The following ZNF318 variants were observed in gnomAD, a reference collection of about 807,000 sequenced individuals.
ZNF318 encodes the protein zinc finger protein 318.
A neutral mutation model predicts 124.2 loss-of-function variants in ZNF318; 51 were observed. The observed-to-expected ratio is 0.41, with a 90% confidence interval of 0.33 to 0.52. The LOEUF (loss-of-function observed/expected upper bound fraction) is 0.52. ZNF318 is among the 20% of genes least tolerant of loss of function. The probability of loss-of-function intolerance (pLI) is 0.23; values close to 1 mark genes in which losing one functional copy is unlikely to be tolerated. For synonymous variants in ZNF318, 1,090 were observed against 1,040.7 expected (o/e 1.05, Z -0.91); for missense variants, 2,815 against 2,811.2 (o/e 1.00, Z -0.03).
intron 6 of ZNF318, among the ~76,000 whole-genome samples, chr6:43,347,234 A>C (rs1189970266): frequency 2.6e-5 from 4 of 152,230 alleles, no homozygotes; most frequent in Admixed American, 2.6e-4. Context: ...GTTAGTAATG[A>C]AACTACAGTC....
In ZNF318 at chr6:43,337,040, G is replaced by A. The variant is rs1283840218; in HGVS notation, c.*118C>T. 3 of 957,034 alleles carry A rather than the reference G, an allele frequency of 3.1e-6. No individual in the cohort carries two copies. In the African/African-American group the frequency reaches 5.0e-5, roughly 16 times the overall value. 59.3% of individuals were successfully genotyped at this position (957,034 alleles called of 1,614,324 possible). Reference sequence around the variant, plus strand: ...CTTCCATGAACATTTACTTTAAGATGCTGACTGCATCTCTTGGTGTAGGTT... The same window carrying A: ...CTTCCATGAACATTTACTTTAAGATACTGACTGCATCTCTTGGTGTAGGTT... On this transcript the variant is annotated 3_prime_UTR_variant, in exon 10 of 10. Coordinates refer to ENST00000361428, the MANE Select transcript of ZNF318 (RefSeq NM_014345.3).
chr6:43,339,950 G>A lies in ZNF318; in HGVS notation c.4048C>T (p.Pro1350Ser), dbSNP rs935670400. 1 of 1,614,208 alleles carries A rather than the reference G, an allele frequency of 6.2e-7. No individual in the cohort carries two copies. Among genetic ancestry groups the A allele is most frequent in the Non-Finnish European group, 8.5e-7 (1 of 1,180,040 alleles). The change falls in exon 10 of 10, where the codon CCC becomes TCC. Residue 1350 changes from proline to serine, a missense_variant. Around this residue, in one of 4 missense-constraint regions of ZNF318, gnomAD observed 500 missense variants for 605.2 expected, o/e 0.83. Coordinates refer to ENST00000361428, the MANE Select transcript of ZNF318 (RefSeq NM_014345.3). The surrounding 1 kb of genome is among the most constrained non-coding windows in gnomAD (Gnocchi z 4.2). ...VTTSTQTKIR[P>S]NLPIPSTVLR... is the part of the protein sequence containing the mutation. ...ACTGTGGATGGAATAGGCAGGTTGGGTCGGATCTTAGTCTGTGTGGAAGTT... is the reference window on the plus strand; with the variant it reads ...ACTGTGGATGGAATAGGCAGGTTGGATCGGATCTTAGTCTGTGTGGAAGTT...
chr6:43,369,592 C>CCG lies in ZNF318; in HGVS notation c.-228_-227insCG, dbSNP rs1554196447. ...CGCGAGCACGCGTCCGACACACCCC[C>CCG]CCCCGCCTCCGGGGTTCCCCGCTCC... On this transcript the variant is annotated 5_prime_UTR_variant, in exon 1 of 10. Coordinates refer to ENST00000361428, the MANE Select transcript of ZNF318 (RefSeq NM_014345.3). 6.4e-6 allele frequency: 1 copy of CCG among 157,166 alleles called. No individual in the cohort carries two copies. The highest frequency in any genetic ancestry group is 1.4e-5 in the Non-Finnish European group (1 of 72,710). 9.7% of individuals were successfully genotyped at this position (157,166 alleles called of 1,614,324 possible).
In ZNF318 at chr6:43,337,285, G is replaced by T. The variant is rs752028362; in HGVS notation, c.6713C>A (p.Ala2238Asp). The change falls in exon 10 of 10, where the codon GCT becomes GAT. Residue 2238 changes from alanine (A) to aspartate (D), a missense_variant. By Grantham distance (126) the Ala-to-Asp change is moderately radical. Coordinates refer to ENST00000361428, the MANE Select transcript of ZNF318 (RefSeq NM_014345.3). ...CCTTGGAGGGGACCTTGACACTGGA[G>T]CTTTAACCAAATTCAGAGGGTCGCC... is the stretch of plus-strand genomic sequence containing the variant. ...DSGDPLNLVK[A>D]PVSRSPPREQ... 1.9e-5 allele frequency: 31 copies of T among 1,614,060 alleles called. No individual in the cohort carries two copies. The highest frequency in any genetic ancestry group is 1.7e-5 in the Admixed American group (1 of 59,996).
chr6:43,339,935 G>A lies in ZNF318; in HGVS notation c.4063C>T (p.Pro1355Ser), dbSNP rs1347587614. 6.2e-7 allele frequency: 1 copy of A among 1,614,206 alleles called. No homozygotes were observed. Among genetic ancestry groups the A allele is most frequent in the South Asian group, 1.1e-5 (1 of 91,082 alleles). The change falls in exon 10 of 10, where the codon CCA becomes TCA. Residue 1355 changes from proline to serine, a missense_variant. Physicochemically the swap from Pro to Ser is moderately conservative, Grantham distance 74 (BLOSUM62 -1). Around this residue, in one of 4 missense-constraint regions of ZNF318, gnomAD observed 500 missense variants for 605.2 expected, o/e 0.83. Coordinates refer to ENST00000361428, the MANE Select transcript of ZNF318 (RefSeq NM_014345.3). The surrounding 1 kb of genome is among the most constrained non-coding windows in gnomAD (Gnocchi z 4.2). ...CATGACTTGCGGAGTACTGTGGATG[G>A]AATAGGCAGGTTGGGTCGGATCTTA... The part of the protein sequence containing the change: ...QTKIRPNLPI[P>S]STVLRKSCSA...
At chr6:43,368,662 C>T in intron 1 of ZNF318, 1 of 985,248 alleles carries the variant, frequency 1.0e-6, no homozygotes, top group Non-Finnish European at 1.2e-6. Context: ...CCAAGACACA[C>T]GGTTTGGACG....
In ZNF318 at chr6:43,340,000, G is replaced by A; in HGVS notation, c.3998C>T (p.Thr1333Ile). Residue 1333 changes from threonine (T) to isoleucine (I), a missense_variant, in exon 10 of 10, where the codon ACC becomes ATC. Physicochemically the swap from Thr to Ile is moderately conservative, Grantham distance 89. This residue lies in a region of ZNF318 where 500 missense variants were observed against 605.2 expected (regional missense o/e 0.83). Transcript: ENST00000361428. The surrounding 1 kb of genome is among the most constrained non-coding windows in gnomAD (Gnocchi z 4.2). ...TGTCACAACAGGCATCCAAGGGCTG[G>A]TATGTGCAACAACAGTTTTCCCAGA... ...KLSGKTVVAH[T>I]SPWMPVVTTS... 1 of 1,614,202 alleles carries A rather than the reference G, an allele frequency of 6.2e-7. No individual in the cohort carries two copies. Among genetic ancestry groups the A allele is most frequent in the East Asian group, 2.2e-5 (1 of 44,884 alleles).
At chr6:43,348,005 A>G (rs2150751754) in intron 6 of ZNF318, among the ~76,000 whole-genome samples, 1 of 152,360 alleles carries the variant, frequency 6.6e-6, no homozygotes, top group Non-Finnish European at 1.5e-5. Context: ...AGACATGAAC[A>G]TAGTTGCTAA....
intron 6 of ZNF318, 141 bp downstream of exon 6, chr6:43,348,183 A>T: frequency 1.2e-6 from 1 of 834,480 alleles, no homozygotes; most frequent in African/African-American, 1.7e-5. Flanking sequence ...GAAGAGGAGT[A>T]CCACACTCTG....
intron 4 of ZNF318, among the ~76,000 whole-genome samples, chr6:43,354,001 G>A (rs1581645957): frequency 6.6e-6 from 1 of 152,024 alleles, no homozygotes; most frequent in Non-Finnish European, 1.5e-5. Flanking sequence ...TCTGGGAGAG[G>A]CTGGCAGGGG....
At chr6:43,367,682 A>T (rs1017727759) in intron 1 of ZNF318, among the ~76,000 whole-genome samples, 1 of 152,210 alleles carries the variant, frequency 6.6e-6, no homozygotes, top group African/African-American at 2.4e-5. Context: ...ACTGGAGAAG[A>T]AAAGGAGGTT....
intron 5 of ZNF318, among the ~76,000 whole-genome samples, chr6:43,349,152 T>A (rs990235099): frequency 2.0e-5 from 3 of 152,198 alleles, no homozygotes; most frequent in Non-Finnish European, 4.4e-5. Flanking sequence ...GTAAAGGTTA[T>A]TAGCTAAGGA....
Position 43,338,461 on chromosome 6 carries a change from T to G in ZNF318, c.5537A>C (p.Glu1846Ala). 2.5e-6 allele frequency: 4 copies of G among 1,614,254 alleles called. No homozygotes were observed. The highest frequency in any genetic ancestry group is 3.4e-6 in the Non-Finnish European group (4 of 1,180,050). ...TTTGATCACTACTTTACTTGGAGTT[T>G]CACTTCCTGTCATCAATTTATTGGA... is the stretch of plus-strand genomic sequence containing the variant. ...EQSNKLMTGS[E>A]TPSKVVIKLS... The change falls in exon 10 of 10, where the codon GAA becomes GCA. Residue 1846 changes from glutamate (E) to alanine (A), a missense_variant. By Grantham distance (107) the Glu-to-Ala change is moderately radical. This residue lies in a region of ZNF318 where 927 missense variants were observed against 820.6 expected (regional missense o/e 1.13). Coordinates refer to ENST00000361428, the MANE Select transcript of ZNF318 (RefSeq NM_014345.3).
chr6:43,364,139 G>A (rs913665846), intron 2 of ZNF318: 7 of 1,036,354 alleles, frequency 6.8e-6, no homozygotes, highest in Non-Finnish European at 8.8e-6. Context: ...CACCTTTGAT[G>A]CCATCTCTAA....
Position 43,339,178 on chromosome 6 carries a change from G to T in ZNF318, c.4820C>A (p.Thr1607Asn). Residue 1607 changes from threonine (T) to asparagine (N), a missense_variant, in exon 10 of 10, where the codon ACC becomes AAC. Coordinates refer to ENST00000361428, the MANE Select transcript of ZNF318 (RefSeq NM_014345.3). This position sits in a 1 kb window ranked among gnomAD's most constrained non-coding sequence, Gnocchi z 4.2. ...AGTAGAAGAGGTGTCTGAACTTTTGGTTCTAGAGAGGTTGCTATTTTCCCC... is the reference window on the plus strand; with the variant it reads ...AGTAGAAGAGGTGTCTGAACTTTTGTTTCTAGAGAGGTTGCTATTTTCCCC... ...ANGENSNLSR[T>N]KSSDTSSTSP... is the part of the protein sequence containing the mutation. 1 of 1,614,152 alleles carries T rather than the reference G, an allele frequency of 6.2e-7. No homozygotes were observed. Among genetic ancestry groups the T allele is most frequent in the Non-Finnish European group, 8.5e-7 (1 of 1,180,022 alleles).
chr6:43,349,307 G>A (rs551552944), intron 5 of ZNF318, among the ~76,000 whole-genome samples: 1 of 151,858 alleles, frequency 6.6e-6, no homozygotes, highest in Non-Finnish European at 1.5e-5. Flanking sequence ...TATTTAGAGG[G>A]TAATATATTT....
rs1307161322 is a variant in ZNF318, at chr6:43,338,028, T to C, written c.5970A>G (p.Thr1990=). 3.7e-6 allele frequency: 6 copies of C among 1,614,086 alleles called. No individual in the cohort carries two copies. The highest frequency in any genetic ancestry group is 4.2e-6 in the Non-Finnish European group (5 of 1,180,044). The change falls in exon 10 of 10, where the codon ACA becomes ACG. Residue 1990 remains threonine (T), a synonymous_variant. Coordinates refer to ENST00000361428, the MANE Select transcript of ZNF318 (RefSeq NM_014345.3). ...LELQDVHPEL[T]VTIESKALED... ...CTAGGGCCTTGCTTTCTATTGTCAC[T>C]GTTAACTCTGGATGGACATCTTGTA...
At chr6:43,359,066 A>G (rs1237584024) in intron 2 of ZNF318, among the ~76,000 whole-genome samples, 3 of 152,238 alleles carry the variant, frequency 2.0e-5, no homozygotes, top group Non-Finnish European at 4.4e-5. Flanking sequence ...ACTTTTAAAA[A>G]AACTACTGAT....
At chr6:43,362,700 C>T (rs1174479943) in intron 2 of ZNF318, among the ~76,000 whole-genome samples, 1 of 151,840 alleles carries the variant, frequency 6.6e-6, no homozygotes, top group East Asian at 1.9e-4. Flanking sequence ...GACAGGATCT[C>T]ATCATGTTGG....
Sources: allele counts gnomAD v4.1 joint callset (sites outside exome capture counted in the v4.1 genomes callset), GRCh38; gene constraint gnomAD v4.1.1; regional missense constraint gnomAD v4.1.1; non-coding constraint Gnocchi (gnomAD v3.1); transcripts MANE v1.5; gene names NCBI Gene and HGNC (gene_info 2026-07-23, HGNC 2026-07-21).